The following LRRC34 variants were observed in gnomAD, a reference collection of about 807,000 sequenced individuals.
LRRC34 encodes the protein leucine-rich repeat-containing protein 34.
In LRRC34, 44 loss-of-function variants were observed where a neutral mutation model predicts 48.5. That is an observed-to-expected ratio of 0.91 (90% CI 0.71 to 1.17). LRRC34 has a LOEUF of 1.17. LRRC34 is among the 50% of genes most tolerant of loss of function. LRRC34 has a pLI of 0.00. For missense variants in LRRC34, 502 were observed against 563.0 expected (o/e 0.89, Z 1.10); for synonymous variants, 192 against 197.6 (o/e 0.97, Z 0.24).
At chr3:169,807,339 G>A (rs1285406678) in intron 4 of LRRC34, 87 bp downstream of exon 4, 3 of 1,243,974 alleles carry the variant, frequency 2.4e-6, no homozygotes, top group East Asian at 4.7e-5. Context: ...CTTGACATCA[G>A]GTAAAACTAG....
At chr3:169,796,560 C>T (rs573740754) in intron 8 of LRRC34, 185 bp downstream of exon 8, 3 of 895,746 alleles carry the variant, frequency 3.3e-6, no homozygotes, top group East Asian at 5.6e-5. Context: ...AACTAAATTG[C>T]TCATTTATGT....
chr3:169,804,196 A>G lies in LRRC34; in HGVS notation c.529-15T>C. On this transcript the variant is annotated splice_polypyrimidine_tract_variant and intron_variant, in intron 5 of 10. Coordinates refer to ENST00000446859, the MANE Select transcript of LRRC34 (RefSeq NM_001172779.2). The stretch of plus-strand genomic sequence containing the variant: ...GTCCGATTCTTCTGAAAAGGAAAAA[A>G]AACTTATTTAATAATTGTTAATCCA... 1.3e-6 allele frequency: 2 copies of G among 1,553,470 alleles called. No individual in the cohort carries two copies. The highest frequency in any genetic ancestry group is 1.7e-6 in the Non-Finnish European group (2 of 1,147,304).
At chr3:169,801,274 A>G (rs1779178809) in intron 6 of LRRC34, among the ~76,000 whole-genome samples, 1 of 152,140 alleles carries the variant, frequency 6.6e-6, no homozygotes. Context: ...GCCGGAAACC[A>G]TGGGCTTCCT....
Position 169,812,855 on chromosome 3 carries a change from G to C in LRRC34, c.-307C>G, listed in dbSNP as rs1333353384. On this transcript the variant is annotated 5_prime_UTR_variant, in exon 1 of 11. Transcript: ENST00000446859. The surrounding 1 kb of genome is among the most constrained non-coding windows in gnomAD (Gnocchi z 4.3). The stretch of plus-strand genomic sequence containing the variant: ...GCCCGCTCCTACAAAGTGTGCACCG[G>C]CCTGCCGGGCCAGCGAAGAAGCAGA... 2.8e-6 allele frequency: 1 copy of C among 361,854 alleles called. No individual in the cohort carries two copies. The highest frequency in any genetic ancestry group is 2.1e-5 in the African/African-American group (1 of 46,950). The allele number at this position is 361,854 out of a possible 1,614,324, so 22.4% of individuals were successfully genotyped here.
intron 1 of LRRC34, among the ~76,000 whole-genome samples, chr3:169,810,059 C>T (rs1340550501): frequency 4.0e-5 from 6 of 150,808 alleles, no homozygotes; most frequent in Non-Finnish European, 7.4e-5. Context: ...CGGGTTCAAG[C>T]GATTCTCCTG....
chr3:169,805,841 G>A (rs565450283), intron 5 of LRRC34, among the ~76,000 whole-genome samples: 4 of 138,630 alleles, frequency 2.9e-5, no homozygotes, highest in Non-Finnish European at 4.5e-5. Context: ...CCAAAATCGC[G>A]CCATTGCACT....
intron 4 of LRRC34, 24 bp from the exon 5 acceptor site, chr3:169,806,955 C>T (rs1433972457): frequency 1.4e-6 from 2 of 1,407,964 alleles, no homozygotes; most frequent in Admixed American, 1.7e-5. Context: ...GAAGCTATTA[C>T]ACATTATTAT....
At chr3:169,795,854 T>G (rs1189448532) in intron 9 of LRRC34, 4 of 1,180,622 alleles carry the variant, frequency 3.4e-6, no homozygotes, top group Non-Finnish European at 4.2e-6. Context: ...TTTGGGTGGA[T>G]AGCAGATATA....
At chr3:169,796,627 T>C in intron 8 of LRRC34, 118 bp downstream of exon 8, 1 of 1,095,164 alleles carries the variant, frequency 9.1e-7, no homozygotes, top group Non-Finnish European at 1.3e-6. Flanking sequence ...TGACAATTGG[T>C]TGCAGTTTCT....
intron 10 of LRRC34, chr3:169,794,070 G>A (rs1778896577): frequency 2.7e-6 from 1 of 376,408 alleles, no homozygotes; most frequent in South Asian, 4.1e-5. Flanking sequence ...AACTTTTAAT[G>A]TATTAGACAT....
chr3:169,798,000 C>G (rs766571326), intron 7 of LRRC34, among the ~76,000 whole-genome samples: 36 of 152,146 alleles, frequency 2.4e-4, no homozygotes, highest in Non-Finnish European at 4.0e-4. Context: ...TCTGTATTTG[C>G]TGAAATTGCT....
chr3:169,801,486 G>T (rs1405141481), intron 6 of LRRC34, among the ~76,000 whole-genome samples: 1 of 152,192 alleles, frequency 6.6e-6, no homozygotes, highest in African/African-American at 2.4e-5. Flanking sequence ...TCTGCACAGA[G>T]AAACCAGTGA....
chr3:169,802,978 C>CAAA (rs762946094), intron 6 of LRRC34, among the ~76,000 whole-genome samples: 2 of 136,532 alleles, frequency 1.5e-5, no homozygotes, highest in East Asian at 2.1e-4. Context: ...ACTCTGTCTC[C>CAAA]AAAAAAAAAA....
Position 169,800,738 on chromosome 3 carries a change from A to G in LRRC34, c.674T>C (p.Ile225Thr), listed in dbSNP as rs1309135036. The G allele has an allele frequency of 8.5e-6, 13 of 1,534,998 alleles. No individual in the cohort carries two copies. In the Admixed American group the frequency reaches 2.4e-4, roughly 28 times the overall value. Residue 225 changes from isoleucine to threonine, a missense_variant, in exon 7 of 11, where the codon ATA (isoleucine) becomes ACA (threonine). By Grantham distance (89) the Ile-to-Thr change is moderately conservative. Coordinates refer to ENST00000446859, the MANE Select transcript of LRRC34 (RefSeq NM_001172779.2). ...GDCDLGMQSVIAFATVLTQNQ... is the reference protein window; with the variant it reads ...GDCDLGMQSVTAFATVLTQNQ... The stretch of plus-strand genomic sequence containing the variant: ...TTGAGTTAGTACTGTAGCAAATGCT[A>G]TCACACTTTGCATTCCCTAAAAACA...
chr3:169,799,428 C>T (rs1288215101), intron 7 of LRRC34, among the ~76,000 whole-genome samples: 2 of 152,060 alleles, frequency 1.3e-5, no homozygotes, highest in African/African-American at 4.8e-5. Flanking sequence ...CCAAGGCAGG[C>T]AGATAGCTTG....
chr3:169,800,909 A>T (rs1273241433), intron 6 of LRRC34, among the ~76,000 whole-genome samples, 155 bp from the exon 7 acceptor site: 2 of 152,224 alleles, frequency 1.3e-5, no homozygotes, highest in Non-Finnish European at 2.9e-5. Context: ...AAATTCAAAA[A>T]TGAATTGTTA....
intron 1 of LRRC34, among the ~76,000 whole-genome samples, chr3:169,810,152 G>T (rs1008326648): frequency 6.6e-6 from 1 of 151,656 alleles, no homozygotes; most frequent in African/African-American, 2.4e-5. Context: ...TGTTGGCCAG[G>T]CTGGTCTCAA....
intron 7 of LRRC34, among the ~76,000 whole-genome samples, chr3:169,797,930 C>T (rs944853954): frequency 5.3e-5 from 8 of 152,110 alleles, no homozygotes; most frequent in African/African-American, 1.9e-4. Context: ...GTACCTAGCA[C>T]AAAATAAGTG....
chr3:169,800,546 A>C, intron 7 of LRRC34, 113 bp downstream of exon 7: 1 of 536,728 alleles, frequency 1.9e-6, no homozygotes, highest in Non-Finnish European at 3.1e-6. Context: ...TACAAGATAT[A>C]GTAAGTACAT....
Sources: gnomAD v4.1 joint callset for allele counts (sites outside exome capture counted in the v4.1 genomes callset) on GRCh38, gnomAD v4.1.1 for gene constraint, Gnocchi (gnomAD v3.1) non-coding constraint, MANE v1.5 for transcripts, NCBI Gene and HGNC (gene_info 2026-07-23, HGNC 2026-07-21) for gene names.